The following CEP350 variants were observed in gnomAD, a reference collection of about 807,000 sequenced individuals.
CEP350 encodes centrosome-associated protein 350.
Under a neutral mutation model 331.8 loss-of-function variants are expected in CEP350, and 126 were observed. The observed-to-expected ratio is 0.38, with a 90% CI of 0.33 to 0.44. The LOEUF (loss-of-function observed/expected upper bound fraction) is 0.44, where lower values mean the gene tolerates loss of function less well. Ranked by LOEUF, CEP350 falls within the 20% of genes least tolerant of loss-of-function variation. CEP350 has a pLI of 1.00. For synonymous variants in CEP350, 1,200 were observed against 1,259.5 expected (o/e 0.95, Z 1.00); for missense variants, 3,406 against 3,634.6 (o/e 0.94, Z 1.62).
chr1:179,996,158 G>T lies in CEP350; in HGVS notation c.396-395G>T, dbSNP rs560388109. The stretch of plus-strand genomic sequence containing the variant: ...ATTTGCCATTTTACTTGATAGAGGG[G>T]GTATTGAGCCTTGAGTCATAATATT... On this transcript the variant is annotated intron_variant, in intron 5 of 37. Coordinates refer to ENST00000367607, the MANE Select transcript of CEP350 (RefSeq NM_014810.5). Among the ~76,000 whole-genome samples the T allele has an allele frequency of 3.4e-4, 51 of 152,100 alleles. 1 individual carries two copies. The South Asian group carries it at 7.1e-3, about 21-fold the overall frequency.
intron 4 of CEP350, among the ~76,000 whole-genome samples, chr1:179,991,665 A>ATGTG (rs1478542787): frequency 0.011 from 736 of 68,228 alleles, 1 homozygote; most frequent in Middle Eastern, 0.036. Context: ...GTATATATAT[A>ATGTG]TATGTGTGTG....
chr1:180,098,122 T>C (rs1011155533), intron 36 of CEP350, among the ~76,000 whole-genome samples: 10 of 151,962 alleles, frequency 6.6e-5, no homozygotes, highest in Admixed American at 5.9e-4. Flanking sequence ...AGGCATGCGC[T>C]ACCTCACCCA....
At chr1:180,086,540 CATATATAT>C (rs35457934) in intron 31 of CEP350, among the ~76,000 whole-genome samples, 4 of 149,656 alleles carry the variant, frequency 2.7e-5, no homozygotes, top group African/African-American at 7.4e-5. Context: ...ATGAGATATG[CATATATAT>C]ATATATATAT....
In CEP350 at chr1:180,010,404, C is replaced by CT. The variant is rs60408983; in HGVS notation, c.1247-1506dup. Reference sequence around the variant, plus strand: ...TCCCTGACACATAATCCCATGTTTGCTTTTTTTTTTTTTTTTTTTAAAGAA... The same window carrying CT: ...TCCCTGACACATAATCCCATGTTTGCTTTTTTTTTTTTTTTTTTTTAAAGAA... On this transcript the variant is annotated intron_variant, in intron 8 of 37. Coordinates refer to ENST00000367607, the MANE Select transcript of CEP350 (RefSeq NM_014810.5). Among the ~76,000 whole-genome samples the CT allele has an allele frequency of 5.8e-3, 690 of 119,796 alleles. 6 individuals carry two copies. The highest frequency in any genetic ancestry group is 0.018 in the African/African-American group (586 of 31,678). The allele number at this position is 119,796 out of a possible 152,430, so 78.6% of individuals were successfully genotyped here.
At chr1:180,015,014 A>C (rs1427176397) in intron 10 of CEP350, among the ~76,000 whole-genome samples, 1 of 152,182 alleles carries the variant, frequency 6.6e-6, no homozygotes, top group African/African-American at 2.4e-5. Flanking sequence ...GAAAATCATA[A>C]GGAAGAGAAA....
intron 5 of CEP350, among the ~76,000 whole-genome samples, chr1:179,994,477 A>AC (rs1653333244): frequency 7.4e-6 from 1 of 134,836 alleles, no homozygotes; most frequent in East Asian, 2.1e-4. Context: ...TTTTTGAGAC[A>AC]GTGTCTCACT....
At chr1:180,011,085 T>C (rs16855103) in intron 8 of CEP350, among the ~76,000 whole-genome samples, 4,567 of 152,292 alleles carry the variant, frequency 0.03, 122 homozygotes, top group South Asian at 0.071. Context: ...AAATCTTTTT[T>C]TCTTCTGGTA....
chr1:180,038,740 A>G (rs1656541983), intron 17 of CEP350, among the ~76,000 whole-genome samples: 1 of 152,124 alleles, frequency 6.6e-6, no homozygotes, highest in African/African-American at 2.4e-5. Flanking sequence ...TATTGATTTT[A>G]TAGGAGTTCT....
intron 32 of CEP350, among the ~76,000 whole-genome samples, chr1:180,088,693 G>A (rs1049850925): frequency 6.6e-6 from 1 of 152,142 alleles, no homozygotes; most frequent in Admixed American, 6.5e-5. Context: ...GTTCTAGCTG[G>A]TTCTGTAACT....
chr1:180,093,831 A>G lies in CEP350; in HGVS notation c.7726A>G (p.Ile2576Val). 1 of 1,613,954 alleles carries G rather than the reference A, an allele frequency of 6.2e-7. No homozygotes were observed. The highest frequency in any genetic ancestry group is 8.5e-7 in the Non-Finnish European group (1 of 1,179,870). ...IPENFDDYVD[I>V]NEDEDCYSDE... Reference sequence around the variant, plus strand: ...AGAAAACTTTGATGACTATGTAGACATTAATGAAGATGAAGACTGTTACTC... The same window carrying G: ...AGAAAACTTTGATGACTATGTAGACGTTAATGAAGATGAAGACTGTTACTC... The change falls in exon 34 of 38, where the codon ATT becomes GTT. Residue 2576 changes from isoleucine to valine, a missense_variant. Ile to Val is a conservative substitution (Grantham distance 29, BLOSUM62 3). This residue lies in a region of CEP350 where 1,415 missense variants were observed against 1,512.3 expected (regional missense o/e 0.94). Coordinates refer to ENST00000367607, the MANE Select transcript of CEP350 (RefSeq NM_014810.5).
chr1:180,024,344 A>AT, intron 13 of CEP350, 75 bp from the exon 14 acceptor site: 1 of 1,353,442 alleles, frequency 7.4e-7, no homozygotes, highest in Non-Finnish European at 1.0e-6. Flanking sequence ...GATTACATAG[A>AT]TTTTTAAATA....
chr1:180,028,828 A>G (rs1353740805), intron 14 of CEP350, among the ~76,000 whole-genome samples: 2 of 152,130 alleles, frequency 1.3e-5, no homozygotes, highest in African/African-American at 4.8e-5. Context: ...ATCATGATTT[A>G]TTGAGTATAT....
chr1:180,058,324 T>C (rs942529520), intron 25 of CEP350, among the ~76,000 whole-genome samples: 1 of 152,216 alleles, frequency 6.6e-6, no homozygotes, highest in African/African-American at 2.4e-5. Flanking sequence ...ATACTGTAGC[T>C]ACTAGCCACA....
chr1:180,001,584 G>A lies in CEP350; in HGVS notation c.1019-1590G>A, dbSNP rs115224751. Among the ~76,000 whole-genome samples the A allele has an allele frequency of 6.4e-3, 979 of 152,276 alleles. 4 individuals are homozygous for A. Among genetic ancestry groups the A allele is most frequent in the South Asian group, 8.1e-3 (39 of 4,828 alleles). The stretch of plus-strand genomic sequence containing the variant: ...AAAGAGTAGGGATAAATTTGAAGTG[G>A]AAAATCAAATGGTAATTCCTAGGAA... On this transcript the variant is annotated intron_variant, in intron 6 of 37. Transcript: ENST00000367607.
chr1:179,961,472 G>T (rs1041223116), intron 1 of CEP350, among the ~76,000 whole-genome samples: 1 of 151,420 alleles, frequency 6.6e-6, no homozygotes, highest in East Asian at 1.9e-4. Context: ...AAAATAAAGC[G>T]CTCACTACCT....
chr1:180,006,499 A>T lies in CEP350; in HGVS notation c.1178A>T (p.Lys393Met). The change falls in exon 8 of 38, where the codon AAG becomes ATG. Residue 393 changes from lysine to methionine, a missense_variant. Around this residue, in one of 5 missense-constraint regions of CEP350, gnomAD observed 1,857 missense variants for 1,909.2 expected, o/e 0.97. Coordinates refer to ENST00000367607, the MANE Select transcript of CEP350 (RefSeq NM_014810.5). ...AAACCTGCTGAAAAAAGTAAAGAGAAGAAAGTAGTCAAGCCAGTACGAAAA... is the reference window on the plus strand; with the variant it reads ...AAACCTGCTGAAAAAAGTAAAGAGATGAAAGTAGTCAAGCCAGTACGAAAA... ...KEKPAEKSKEKKVVKPVRKVQ... is the reference protein window; with the variant it reads ...KEKPAEKSKEMKVVKPVRKVQ... 6.4e-7 allele frequency: 1 copy of T among 1,552,446 alleles called. No homozygotes were observed. Among genetic ancestry groups the T allele is most frequent in the Non-Finnish European group, 8.7e-7 (1 of 1,146,128 alleles).
At chr1:180,009,414 C>T (rs927985133) in intron 8 of CEP350, among the ~76,000 whole-genome samples, 1 of 152,220 alleles carries the variant, frequency 6.6e-6, no homozygotes, top group Non-Finnish European at 1.5e-5. Flanking sequence ...AACTTATGAA[C>T]ACTGATCTTG....
At chr1:180,088,085 T>C (rs1264601818) in intron 32 of CEP350, among the ~76,000 whole-genome samples, 1 of 152,134 alleles carries the variant, frequency 6.6e-6, no homozygotes, top group African/African-American at 2.4e-5. Context: ...GAAGTCTAAA[T>C]TGAGAAAATG....
chr1:180,016,035 T>C, intron 11 of CEP350, 65 bp downstream of exon 11: 1 of 1,575,760 alleles, frequency 6.3e-7, no homozygotes, highest in African/African-American at 1.4e-5. Context: ...GTGGTCTATG[T>C]TCAGAGAATT....
Sources: gnomAD v4.1 joint callset for allele counts (sites outside exome capture counted in the v4.1 genomes callset) on GRCh38, gnomAD v4.1.1 for gene constraint, gnomAD v4.1.1 regional missense constraint, MANE v1.5 for transcripts, NCBI Gene and HGNC (gene_info 2026-07-23, HGNC 2026-07-21) for gene names.